ZNF264: variants seen among roughly 807,000 people sequenced by gnomAD.
The protein encoded by ZNF264 is zinc finger protein 264.
In ZNF264, 11 loss-of-function variants were observed where a neutral mutation model predicts 11.2. The ratio of observed to expected loss-of-function variants is 0.98; its 90% confidence interval spans 0.62 to 1.63. ZNF264 has a LOEUF of 1.63. Among genes scored for constraint, ZNF264 ranks in the 40% most tolerant of loss-of-function variants. The pLI is 0.00. For synonymous variants in ZNF264, 309 were observed against 279.8 expected (o/e 1.10, Z -1.04); for missense variants, 752 against 768.1 (o/e 0.98, Z 0.25).
chr19:57,211,071 G>A (rs916998199), intron 3 of ZNF264, among the ~76,000 whole-genome samples: 23 of 152,036 alleles, frequency 1.5e-4, no homozygotes, highest in Admixed American at 3.3e-4. Context: ...GCACGGTGTC[G>A]TCGTTACTCT....
At chr19:57,210,554 A>G (rs2087326934) in intron 3 of ZNF264, among the ~76,000 whole-genome samples, 1 of 152,204 alleles carries the variant, frequency 6.6e-6, no homozygotes, top group Non-Finnish European at 1.5e-5. Flanking sequence ...ATATGGCAAT[A>G]TGAGCTTAGA....
chr19:57,212,235 T>C lies in ZNF264; in HGVS notation c.1138T>C (p.Phe380Leu). ...TGAGTGCAGTGAATGTGGGAAGGTC[T>C]TCTTGGAGAGTGCAGCCCTGATTCA... Reference protein sequence around the residue: ...PYECSECGKVFLESAALIHHY... With the variant: ...PYECSECGKVLLESAALIHHY... The change falls in exon 4 of 4, where the codon TTC becomes CTC. Residue 380 changes from phenylalanine (F) to leucine (L), a missense_variant. Physicochemically the swap from Phe to Leu is conservative, Grantham distance 22. Transcript: ENST00000263095. 6.2e-7 allele frequency: 1 copy of C among 1,614,094 alleles called. No homozygotes were observed. Among genetic ancestry groups the C allele is most frequent in the Middle Eastern group, 1.7e-4 (1 of 6,060 alleles).
chr19:57,206,029 C>T (rs1370406983), intron 3 of ZNF264, among the ~76,000 whole-genome samples: 1 of 152,152 alleles, frequency 6.6e-6, no homozygotes, highest in Non-Finnish European at 1.5e-5. Context: ...CTAACGTCCT[C>T]GAGCTGGCAG....
chr19:57,211,804 G>A lies in ZNF264; in HGVS notation c.707G>A (p.Cys236Tyr). The part of the protein sequence containing the change: ...SGVKPYECTE[C>Y]GKTFIKSTHL... Reference sequence around the variant, plus strand: ...GTTAAGCCCTATGAATGCACAGAATGTGGGAAAACCTTTATTAAGAGCACA... The same window carrying A: ...GTTAAGCCCTATGAATGCACAGAATATGGGAAAACCTTTATTAAGAGCACA... The change falls in exon 4 of 4, where the codon TGT becomes TAT. Residue 236 changes from cysteine (C) to tyrosine (Y), a missense_variant. Transcript: ENST00000263095. 2 of 1,614,236 alleles carry A rather than the reference G, an allele frequency of 1.2e-6. No homozygotes were observed. The highest frequency in any genetic ancestry group is 1.6e-4 in the Middle Eastern group (1 of 6,062).
At position 57,191,823 on chromosome 19, in the gene ZNF264, C is replaced by T. The variant is rs954165757; in HGVS notation, c.-91C>T. 9.0e-7 allele frequency: 1 copy of T among 1,111,656 alleles called. No homozygotes were observed. The highest frequency in any genetic ancestry group is 1.1e-6 in the Non-Finnish European group (1 of 872,302). 68.9% of individuals were successfully genotyped at this position (1,111,656 alleles called of 1,614,324 possible). A position where few individuals can be genotyped will look rare whatever the true frequency, so the allele number is the denominator to read the frequency against. On this transcript the variant is annotated 5_prime_UTR_variant, in exon 1 of 4. Transcript: ENST00000263095. The stretch of plus-strand genomic sequence containing the variant: ...GCGGCCCCGAGCGCGCCTGGAAGCC[C>T]CGGGCAACCGGCCAGGGTCGGGCAC...
Position 57,212,419 on chromosome 19 carries a change from C to G in ZNF264, c.1322C>G (p.Thr441Ser). 6.2e-7 allele frequency: 1 copy of G among 1,613,942 alleles called. No homozygotes were observed. Among genetic ancestry groups the G allele is most frequent in the Non-Finnish European group, 8.5e-7 (1 of 1,180,000 alleles). Reference sequence around the variant, plus strand: ...GGAAAGGCCTTCACCCACTGCTCTACTTTTATCTTGCATAAAAGGGCCCAC... The same window carrying G: ...GGAAAGGCCTTCACCCACTGCTCTAGTTTTATCTTGCATAAAAGGGCCCAC... ...ECGKAFTHCS[T>S]FILHKRAHTG... Residue 441 changes from threonine to serine, a missense_variant, in exon 4 of 4, where the codon ACT becomes AGT. Physicochemically the swap from Thr to Ser is moderately conservative, Grantham distance 58. Transcript: ENST00000263095.
In ZNF264 at chr19:57,212,596, G is replaced by C; in HGVS notation, c.1499G>C (p.Arg500Thr). Residue 500 changes from arginine (R) to threonine (T), a missense_variant, in exon 4 of 4, where the codon AGG becomes ACG. Arg to Thr is a moderately conservative substitution (Grantham distance 71). Transcript: ENST00000263095. ...TTCACCCGCATGTCGGGCCTCACGA[G>C]GCACAAGCGGATTCATAGTGGAGAG... ...KAFTRMSGLT[R>T]HKRIHSGEKP... 6.2e-7 allele frequency: 1 copy of C among 1,614,048 alleles called. No homozygotes were observed. The highest frequency in any genetic ancestry group is 1.7e-5 in the Admixed American group (1 of 60,010).
Position 57,199,728 on chromosome 19 carries a change from C to A in ZNF264, c.161-5669C>A, listed in dbSNP as rs569662748. Among the ~76,000 whole-genome samples, 235 of 151,996 alleles carry A rather than the reference C, an allele frequency of 1.5e-3. 9 individuals carry two copies. The highest frequency in any genetic ancestry group is 5.6e-3 in the African/African-American group (232 of 41,276). ...AAGTGTAGCTCACCTCCCCATGGGT[C>A]ACACTCTGAACCTCACTTCTGTGGG... On this transcript the variant is annotated intron_variant, in intron 2 of 3. Coordinates refer to ENST00000263095, the MANE Select transcript of ZNF264 (RefSeq NM_003417.5).
chr19:57,208,060 G>T (rs1050247369), intron 3 of ZNF264, among the ~76,000 whole-genome samples: 2 of 152,040 alleles, frequency 1.3e-5, no homozygotes, highest in African/African-American at 2.4e-5. Context: ...CACTGTTGTT[G>T]CCCAGGCTGG....
At chr19:57,199,886 ATC>A (rs2087238401) in intron 2 of ZNF264, among the ~76,000 whole-genome samples, 1 of 151,746 alleles carries the variant, frequency 6.6e-6, no homozygotes, top group Non-Finnish European at 1.5e-5. Context: ...CACAGGGTTT[ATC>A]TCCTCAGACA....
intron 2 of ZNF264, among the ~76,000 whole-genome samples, chr19:57,205,185 T>C (rs2087282566): frequency 6.6e-6 from 1 of 152,202 alleles, no homozygotes; most frequent in Non-Finnish European, 1.5e-5. Context: ...TTCTCTAAGA[T>C]ACTCTATCAG....
chr19:57,208,887 G>A (rs11084489), intron 3 of ZNF264, among the ~76,000 whole-genome samples: 29,739 of 152,120 alleles, frequency 0.2, 3,235 homozygotes, highest in Middle Eastern at 0.28. Context: ...GAATAGTCTC[G>A]TGTTCTTGAT....
At chr19:57,197,523 A>G (rs1157859564) in intron 2 of ZNF264, among the ~76,000 whole-genome samples, 1 of 151,932 alleles carries the variant, frequency 6.6e-6, no homozygotes, top group African/African-American at 2.4e-5. Flanking sequence ...CACCTCAAGC[A>G]CCATTGGATC....
intron 3 of ZNF264, among the ~76,000 whole-genome samples, chr19:57,207,722 TTTTTG>T (rs967096606): frequency 5.9e-5 from 9 of 151,300 alleles, no homozygotes; most frequent in African/African-American, 1.9e-4. Context: ...GCTTGTTTGT[TTTTTG>T]TTTTGTTTTG....
At position 57,211,884 on chromosome 19, in the gene ZNF264, G is replaced by C; in HGVS notation, c.787G>C (p.Glu263Gln). 1 of 1,614,156 alleles carries C rather than the reference G, an allele frequency of 6.2e-7. No individual in the cohort carries two copies. The highest frequency in any genetic ancestry group is 8.5e-7 in the Non-Finnish European group (1 of 1,180,040). ...TGGGGAGAGGCCCTATGAGTGCATG[G>C]AGTGTGGAAAGGCCTTCAACCGCAA... The part of the protein sequence containing the change: ...HTGERPYECM[E>Q]CGKAFNRKSY... Residue 263 changes from glutamate (E) to glutamine (Q), a missense_variant, in exon 4 of 4, where the codon GAG (glutamate) becomes CAG (glutamine). Physicochemically the swap from Glu to Gln is conservative, Grantham distance 29. Transcript: ENST00000263095.
chr19:57,197,981 T>C (rs1477743290), intron 2 of ZNF264, among the ~76,000 whole-genome samples: 3 of 152,098 alleles, frequency 2.0e-5, no homozygotes, highest in Non-Finnish European at 2.9e-5. Flanking sequence ...ATGTGATATC[T>C]TGTGGAAGCA....
intron 2 of ZNF264, among the ~76,000 whole-genome samples, chr19:57,200,283 C>A (rs1026381400): frequency 6.6e-6 from 1 of 151,642 alleles, no homozygotes; most frequent in Admixed American, 6.6e-5. Flanking sequence ...TGTGGGAGAA[C>A]CCTGATGAAG....
chr19:57,198,673 C>G (rs1029950295), intron 2 of ZNF264, among the ~76,000 whole-genome samples: 2 of 151,868 alleles, frequency 1.3e-5, no homozygotes, highest in African/African-American at 4.9e-5. Context: ...TGGAGGACCA[C>G]AATGATGTTT....
At chr19:57,203,253 A>AAAT (rs2087266509) in intron 2 of ZNF264, among the ~76,000 whole-genome samples, 1 of 152,048 alleles carries the variant, frequency 6.6e-6, no homozygotes, top group Non-Finnish European at 1.5e-5. Flanking sequence ...AGGGCAGGGG[A>AAAT]AATACTGGCT....
Sources: allele counts gnomAD v4.1 joint callset (sites outside exome capture counted in the v4.1 genomes callset), GRCh38; gene constraint gnomAD v4.1.1; transcripts MANE v1.5; gene names NCBI Gene and HGNC (gene_info 2026-07-23, HGNC 2026-07-21).